Variants in ASTN2 observed in about 807,000 individuals in gnomAD.
ASTN2 encodes astrotactin-2.
ASTN2 carries 54 observed loss-of-function variants against 139.8 expected under a neutral mutation model. The ratio of observed to expected loss-of-function variants is 0.39; its 90% confidence interval spans 0.31 to 0.48. The LOEUF is 0.48. Among genes scored for constraint, ASTN2 ranks in the 20% least tolerant of loss-of-function variants. ASTN2 has a pLI of 0.95. For missense variants in ASTN2, 1,565 were observed against 1,725.1 expected, an observed-to-expected ratio of 0.91 and a Z score of 1.64; for synonymous variants, 756 against 719.5, an observed-to-expected ratio of 1.05 and a Z score of -0.81.
chr9:117,103,604 G>T (rs868484933), intron 4 of ASTN2, among the ~76,000 whole-genome samples: 1 of 152,116 alleles, frequency 6.6e-6, no homozygotes, highest in Non-Finnish European at 1.5e-5. Flanking sequence ...TGCCAGCCTC[G>T]ACAGGCCCAG....
chr9:116,852,274 T>C (rs1200404839), intron 11 of ASTN2, among the ~76,000 whole-genome samples: 1 of 152,136 alleles, frequency 6.6e-6, no homozygotes, highest in East Asian at 1.9e-4. Flanking sequence ...GCCAACAATA[T>C]TGTAAGGTGC....
At chr9:117,410,024 C>T (rs1209166847) in intron 1 of ASTN2, among the ~76,000 whole-genome samples, 1 of 152,214 alleles carries the variant, frequency 6.6e-6, no homozygotes, top group Non-Finnish European at 1.5e-5. Flanking sequence ...GTACTTAACA[C>T]AGACTAATGA....
At chr9:116,686,734 C>G (rs1204978973) in intron 16 of ASTN2, 1 of 1,550,422 alleles carries the variant, frequency 6.4e-7, no homozygotes, top group Non-Finnish European at 8.7e-7. Context: ...GAGTGTACTC[C>G]CCAAGTCTGC....
At chr9:116,588,056 C>G (rs1018258504) in intron 19 of ASTN2, among the ~76,000 whole-genome samples, 3 of 152,166 alleles carry the variant, frequency 2.0e-5, no homozygotes, top group South Asian at 2.1e-4. Context: ...CCTAGGTCTA[C>G]AGTGTTACTA....
intron 1 of ASTN2, among the ~76,000 whole-genome samples, chr9:117,312,202 T>C (rs1827995194): frequency 6.6e-6 from 1 of 152,222 alleles, no homozygotes; most frequent in South Asian, 2.1e-4. Flanking sequence ...GGAAAATTTT[T>C]CCAAAGAGTG....
chr9:116,536,589 C>A (rs1182816856), intron 19 of ASTN2, among the ~76,000 whole-genome samples: 2 of 152,358 alleles, frequency 1.3e-5, no homozygotes, highest in South Asian at 4.1e-4. Flanking sequence ...GGACCCTCAG[C>A]TGCAGGTCTG....
chr9:116,858,038 G>C (rs907180224), intron 11 of ASTN2, among the ~76,000 whole-genome samples: 1 of 152,174 alleles, frequency 6.6e-6, no homozygotes, highest in African/African-American at 2.4e-5. Context: ...CCTCTATCCA[G>C]TTGACAGCCC....
At chr9:117,380,871 A>G (rs1257674400) in intron 1 of ASTN2, among the ~76,000 whole-genome samples, 1 of 152,170 alleles carries the variant, frequency 6.6e-6, no homozygotes, top group Non-Finnish European at 1.5e-5. Flanking sequence ...ACTTAAACAG[A>G]ATTACCATAT....
intron 3 of ASTN2, among the ~76,000 whole-genome samples, chr9:117,151,640 A>C (rs920714980): frequency 6.6e-6 from 1 of 152,170 alleles, no homozygotes; most frequent in Non-Finnish European, 1.5e-5. Context: ...GAAAGTACCA[A>C]TTGCTCAGAG....
chr9:116,899,314 G>T (rs1833951009), intron 10 of ASTN2, among the ~76,000 whole-genome samples: 2 of 152,082 alleles, frequency 1.3e-5, no homozygotes, highest in African/African-American at 4.8e-5. Context: ...TTCCATAATG[G>T]TGTCCAAAGG....
At chr9:116,595,864 T>C (rs1318537002) in intron 19 of ASTN2, among the ~76,000 whole-genome samples, 1 of 152,128 alleles carries the variant, frequency 6.6e-6, no homozygotes, top group Non-Finnish European at 1.5e-5. Flanking sequence ...TGAAAAACAG[T>C]ATGCAGGTTC....
intron 3 of ASTN2, among the ~76,000 whole-genome samples, chr9:117,181,536 C>T (rs540316673): frequency 6.6e-6 from 1 of 152,220 alleles, no homozygotes; most frequent in South Asian, 2.1e-4. Flanking sequence ...CAATACAAGA[C>T]TCTCTTCTAT....
intron 22 of ASTN2, among the ~76,000 whole-genome samples, chr9:116,440,162 T>C (rs772825047): frequency 6.6e-6 from 1 of 152,124 alleles, no homozygotes; most frequent in Non-Finnish European, 1.5e-5. Context: ...ATCTATATAG[T>C]CATGTTCACT....
chr9:116,555,543 C>T (rs1045141017), intron 19 of ASTN2, among the ~76,000 whole-genome samples: 2 of 152,066 alleles, frequency 1.3e-5, no homozygotes, highest in Non-Finnish European at 2.9e-5. Context: ...CCACCCCGTC[C>T]CCACCCCAGG....
Position 116,733,516 on chromosome 9 carries a change from T to G in ASTN2, c.2404A>C (p.Asn802His). The G allele has an allele frequency of 6.2e-7, 1 of 1,614,130 alleles. No homozygotes were observed. Among genetic ancestry groups the G allele is most frequent in the Non-Finnish European group, 8.5e-7 (1 of 1,180,016 alleles). The change falls in exon 14 of 23, where the codon AAC (asparagine) becomes CAC (histidine). Residue 802 changes from asparagine to histidine, a missense_variant. Around this residue, in one of 4 missense-constraint regions of ASTN2, gnomAD observed 503 missense variants for 591.7 expected, o/e 0.85. Coordinates refer to ENST00000313400, the MANE Select transcript of ASTN2 (RefSeq NM_001365068.1). ...AGCTGGGGAAAGTCCTTGATGAAGT[T>G]GTTCTCCCTGTGGAGAGGAGCAGAG... is the stretch of plus-strand genomic sequence containing the variant. ...QVFQMTFREN[N>H]FIKDFPQLAD...
At chr9:117,381,999 AAGAG>A (rs1830284722) in intron 1 of ASTN2, among the ~76,000 whole-genome samples, 3 of 152,176 alleles carry the variant, frequency 2.0e-5, no homozygotes, top group Non-Finnish European at 2.9e-5. Flanking sequence ...TGCTGGGAGC[AAGAG>A]AGAGTGATAG....
chr9:117,274,914 G>A (rs911283532), intron 2 of ASTN2, among the ~76,000 whole-genome samples: 2 of 152,186 alleles, frequency 1.3e-5, no homozygotes, highest in Non-Finnish European at 2.9e-5. Flanking sequence ...GTCACGTTAG[G>A]GGTTGAGCTT....
Position 117,130,588 on chromosome 9 carries a change from A to G in ASTN2, c.1168+10738T>C, listed in dbSNP as rs144551994. ...CTTCCTTTCTTTACTTTTGGGATGA[A>G]TCTTAATTTTTTAAAAAGTATATTT... On this transcript the variant is annotated intron_variant, in intron 4 of 22. Coordinates refer to ENST00000313400, the MANE Select transcript of ASTN2 (RefSeq NM_001365068.1). 8.5e-3 allele frequency among the ~76,000 whole-genome samples: 1,297 copies of G among 152,244 alleles called. 23 individuals carry two copies. Among genetic ancestry groups the G allele is most frequent in the African/African-American group, 0.03 (1,235 of 41,530 alleles).
intron 1 of ASTN2, among the ~76,000 whole-genome samples, chr9:117,316,820 C>T (rs1828158571): frequency 1.3e-5 from 2 of 152,132 alleles, no homozygotes; most frequent in Admixed American, 1.3e-4. Flanking sequence ...TTATAGATAT[C>T]TCGCAGATGT....
Sources: gnomAD v4.1 joint callset for allele counts (sites outside exome capture counted in the v4.1 genomes callset) on GRCh38, gnomAD v4.1.1 for gene constraint, gnomAD v4.1.1 regional missense constraint, MANE v1.5 for transcripts, NCBI Gene and HGNC (gene_info 2026-07-23, HGNC 2026-07-21) for gene names.